Variants in MED14 observed in about 807,000 individuals in gnomAD.
The protein encoded by MED14 is mediator complex subunit 14.
MED14 carries 8 observed loss-of-function variants against 109.0 expected under a neutral mutation model. The observed-to-expected ratio is 0.07, with a 90% CI of 0.04 to 0.13. The LOEUF (loss-of-function observed/expected upper bound fraction) is 0.13, where lower values mean the gene tolerates loss of function less well. MED14 is among the 10% of genes least tolerant of loss of function. MED14 has a pLI of 1.00. For synonymous variants in MED14, 399 were observed against 408.7 expected, an observed-to-expected ratio of 0.98 and a Z score of 0.29; for missense variants, 711 against 1,142.4, an observed-to-expected ratio of 0.62 and a Z score of 5.44.
intron 28 of MED14, among the ~76,000 whole-genome samples, chrX:40,658,898 C>G (rs1043682025): frequency 9.1e-6 from 1 of 110,145 alleles, no homozygotes; most frequent in Non-Finnish European, 1.9e-5. Context: ...ATGTTATTTG[C>G]TTTTATGAAT....
chrX:40,728,293 G>C (rs1931958612), intron 2 of MED14, among the ~76,000 whole-genome samples: 1 of 111,347 alleles, frequency 9.0e-6, no homozygotes, highest in African/African-American at 3.3e-5. Context: ...CAAGTGCTAG[G>C]CAACATGAGT....
At chrX:40,697,505 A>C (rs1489863055) in intron 12 of MED14, among the ~76,000 whole-genome samples, 4 of 111,870 alleles carry the variant, frequency 3.6e-5, no homozygotes. Flanking sequence ...AGCACCAACT[A>C]ATCTCAACAT....
chrX:40,665,999 A>G (rs1316566297), intron 24 of MED14, among the ~76,000 whole-genome samples: 1 of 112,354 alleles, frequency 8.9e-6, no homozygotes, highest in Non-Finnish European at 1.9e-5. Context: ...GTTCCCACAA[A>G]TATTAATAGT....
chrX:40,726,529 A>C (rs1569299211), intron 3 of MED14: 5 of 314,620 alleles, frequency 1.6e-5, no homozygotes, highest in Non-Finnish European at 2.2e-5. Flanking sequence ...AAGTCTCCTC[A>C]CGTAATGATG....
chrX:40,680,505 C>G (rs762233765), intron 20 of MED14, among the ~76,000 whole-genome samples: 1 of 111,460 alleles, frequency 9.0e-6, no homozygotes, highest in Non-Finnish European at 1.9e-5. Flanking sequence ...GCAGCCTTGA[C>G]CTCCCCAGGC....
intron 10 of MED14, among the ~76,000 whole-genome samples, chrX:40,705,180 T>C (rs1238750264): frequency 8.9e-6 from 1 of 112,490 alleles, no homozygotes. Context: ...TTTGCTGAAC[T>C]TACTATGTTA....
chrX:40,734,460 TAAA>T (rs982270081), intron 1 of MED14, among the ~76,000 whole-genome samples: 6 of 112,466 alleles, frequency 5.3e-5, no homozygotes, highest in Non-Finnish European at 9.4e-5. Context: ...TTGCAATAGA[TAAA>T]AAATAAAATT....
At chrX:40,665,036 T>A (rs1929424352) in intron 24 of MED14, among the ~76,000 whole-genome samples, 1 of 111,970 alleles carries the variant, frequency 8.9e-6, no homozygotes, top group African/African-American at 3.2e-5. Context: ...AAATAAAAAA[T>A]AAATAAATTT....
intron 3 of MED14, chrX:40,715,124 T>C (rs934015465): frequency 2.6e-5 from 3 of 117,304 alleles, no homozygotes; most frequent in Non-Finnish European, 3.5e-5. Context: ...TTACCAGTCT[T>C]GTAACCTTGG....
chrX:40,672,502 T>C (rs1929764498), intron 22 of MED14, among the ~76,000 whole-genome samples: 1 of 112,457 alleles, frequency 8.9e-6, no homozygotes, highest in African/African-American at 3.2e-5. Context: ...CACAAGGTAG[T>C]TGTAACATTT....
chrX:40,679,373 G>T (rs1930028868), intron 21 of MED14, among the ~76,000 whole-genome samples: 1 of 111,085 alleles, frequency 9.0e-6, no homozygotes, highest in Admixed American at 9.5e-5. Flanking sequence ...CAGGTGTGGT[G>T]GTGCATGCCT....
At chrX:40,685,540 C>A (rs183499130) in intron 16 of MED14, among the ~76,000 whole-genome samples, 1 of 112,558 alleles carries the variant, frequency 8.9e-6, no homozygotes, top group African/African-American at 3.2e-5. Flanking sequence ...GAAAAACCCT[C>A]GTGGGTGTGG....
intron 14 of MED14, 96 bp downstream of exon 14, chrX:40,692,612 A>C: frequency 1.2e-6 from 1 of 868,033 alleles, no homozygotes; most frequent in Non-Finnish European, 1.6e-6. Flanking sequence ...TCTCTTAAAA[A>C]CTGTATCTTA....
chrX:40,707,154 G>GAT (rs1569293627), intron 10 of MED14, among the ~76,000 whole-genome samples: 1 of 105,842 alleles, frequency 9.4e-6, no homozygotes, highest in East Asian at 3.0e-4. Flanking sequence ...GATAGATAGA[G>GAT]ACCAGCCTGG....
At chrX:40,703,330 T>C in intron 11 of MED14, 114 bp downstream of exon 11, 2 of 634,631 alleles carry the variant, frequency 3.2e-6, no homozygotes, top group Non-Finnish European at 4.7e-6. Flanking sequence ...CCATACCCAC[T>C]TTCAACACTG....
At chrX:40,698,936 A>G (rs1930824552) in intron 12 of MED14, among the ~76,000 whole-genome samples, 1 of 112,497 alleles carries the variant, frequency 8.9e-6, no homozygotes, top group Non-Finnish European at 1.9e-5. Flanking sequence ...AAAAGAAAAC[A>G]TAAGTCCACA....
rs1451608840 is a variant in MED14 at position 40,649,985 on chromosome X, G to A, written c.*1821C>T. ...CATTAAAAGGGAAAATACCTAAAAA[G>A]TTAACTCTTAATAAAATTATTTGAA... On this transcript the variant is annotated 3_prime_UTR_variant, in exon 31 of 31. Transcript: ENST00000324817. The A allele has an allele frequency of 1.3e-5, 10 of 744,479 alleles. No homozygotes were observed. Among genetic ancestry groups the A allele is most frequent in the Non-Finnish European group, 1.6e-5 (10 of 631,286 alleles). 61.4% of individuals were successfully genotyped at this position (744,479 alleles called of 1,213,427 possible).
At chrX:40,724,341 T>C in intron 3 of MED14, among the ~76,000 whole-genome samples, 1 of 112,460 alleles carries the variant, frequency 8.9e-6, no homozygotes, top group African/African-American at 3.2e-5. Context: ...ATAAACCTAA[T>C]AGATATTTAT....
chrX:40,652,887 C>G, intron 30 of MED14, among the ~76,000 whole-genome samples: 1 of 111,518 alleles, frequency 9.0e-6, no homozygotes, highest in South Asian at 3.8e-4. Flanking sequence ...TGAACCATGG[C>G]CTTTCAGCAA....
Sources: allele counts gnomAD v4.1 joint callset (sites outside exome capture counted in the v4.1 genomes callset), GRCh38; gene constraint gnomAD v4.1.1; transcripts MANE v1.5; gene names NCBI Gene and HGNC (gene_info 2026-07-23, HGNC 2026-07-21).